The following BCKDHB variants were observed in gnomAD, a reference collection of about 807,000 sequenced individuals.
BCKDHB encodes the protein branched chain keto acid dehydrogenase E1 subunit beta, also known as 2-oxoisovalerate dehydrogenase subunit beta, mitochondrial.
A neutral mutation model predicts 48.5 loss-of-function variants in BCKDHB; 41 were observed. That is an observed-to-expected ratio of 0.85 (90% CI 0.66 to 1.10). BCKDHB has a LOEUF of 1.10. Ranked by LOEUF, BCKDHB falls within the 50% of genes least tolerant of loss-of-function variation. The probability of loss-of-function intolerance (pLI) is 0.00; values close to 1 mark genes in which losing one functional copy is unlikely to be tolerated. For synonymous variants in BCKDHB, 201 were observed against 174.8 expected (o/e 1.15, Z -1.18); for missense variants, 496 against 494.2 (o/e 1.00, Z -0.03).
At chr6:80,405,342 G>A in the BCKDHB span, among the ~76,000 whole-genome samples, 5 of 151,962 alleles carry the variant, frequency 3.3e-5, no homozygotes, top group African/African-American at 1.2e-4. Flanking sequence ...TCTTATATAA[G>A]TATAGTCACC....
At chr6:80,116,033 G>A (rs1247388228) in intron 1 of BCKDHB, among the ~76,000 whole-genome samples, 1 of 152,196 alleles carries the variant, frequency 6.6e-6, no homozygotes, top group African/African-American at 2.4e-5. Flanking sequence ...CTAATTTTCT[G>A]TATCATAGCT....
the BCKDHB span, among the ~76,000 whole-genome samples, chr6:80,388,767 G>T: frequency 6.6e-6 from 1 of 152,176 alleles, no homozygotes. Flanking sequence ...CTGGTTCACA[G>T]ATGATTCTGC....
At chr6:80,464,682 T>G in the BCKDHB span, among the ~76,000 whole-genome samples, 2 of 152,184 alleles carry the variant, frequency 1.3e-5, no homozygotes, top group African/African-American at 4.8e-5. Context: ...ACATAACCAT[T>G]AAATTTCACC....
chr6:80,373,506 G>T, the BCKDHB span, among the ~76,000 whole-genome samples: 1 of 151,974 alleles, frequency 6.6e-6, no homozygotes, highest in South Asian at 2.1e-4. Flanking sequence ...GGTTTGGTTT[G>T]TTCTTGTTTC....
At chr6:80,176,451 T>A (rs994687407) in intron 6 of BCKDHB, among the ~76,000 whole-genome samples, 2 of 152,162 alleles carry the variant, frequency 1.3e-5, no homozygotes, top group Non-Finnish European at 2.9e-5. Context: ...TTTTCTTTGA[T>A]GATTCCATGG....
chr6:80,257,602 G>A (rs914958078), intron 8 of BCKDHB, among the ~76,000 whole-genome samples: 3 of 152,134 alleles, frequency 2.0e-5, no homozygotes, highest in East Asian at 3.9e-4. Flanking sequence ...TGTGCTTATC[G>A]AGGCTGAGAA....
Position 80,322,702 on chromosome 6 carries a change from G to A in BCKDHB, c.1039-20962G>A, listed in dbSNP as rs116807416. ...GACTTTAAAGTTGCAAAAATAGCAT[G>A]CATCAAGAATAGTATAAAATTTTAA... On this transcript the variant is annotated intron_variant, in intron 9 of 9. Transcript: ENST00000320393. Among the ~76,000 whole-genome samples the A allele has an allele frequency of 6.0e-3, 914 of 152,174 alleles. 13 individuals are homozygous for A. Among genetic ancestry groups the A allele is most frequent in the African/African-American group, 0.021 (873 of 41,532 alleles).
intron 9 of BCKDHB, among the ~76,000 whole-genome samples, chr6:80,273,958 G>A (rs937073694): frequency 6.6e-6 from 1 of 151,906 alleles, no homozygotes; most frequent in Non-Finnish European, 1.5e-5. Flanking sequence ...TTAAATGGAA[G>A]GTGCATGTCT....
the BCKDHB span, among the ~76,000 whole-genome samples, chr6:80,394,652 TG>T: frequency 6.6e-6 from 1 of 152,158 alleles, no homozygotes; most frequent in Non-Finnish European, 1.5e-5. Flanking sequence ...AAAGTTTAAT[TG>T]GACAGAAACC....
At chr6:80,430,644 T>G in the BCKDHB span, among the ~76,000 whole-genome samples, 2 of 152,238 alleles carry the variant, frequency 1.3e-5, no homozygotes, top group Non-Finnish European at 2.9e-5. Flanking sequence ...TAGTTTGTAT[T>G]GCTGTGGGAT....
At chr6:80,244,819 A>G (rs1163194305) in intron 8 of BCKDHB, among the ~76,000 whole-genome samples, 1 of 152,252 alleles carries the variant, frequency 6.6e-6, no homozygotes, top group East Asian at 1.9e-4. Flanking sequence ...AATTATTTGA[A>G]CAAAAGATAA....
At chr6:80,111,035 C>A (rs1418110746) in intron 1 of BCKDHB, among the ~76,000 whole-genome samples, 1 of 152,134 alleles carries the variant, frequency 6.6e-6, no homozygotes, top group Non-Finnish European at 1.5e-5. Flanking sequence ...CATAATATCT[C>A]TTTTTAACAG....
intron 6 of BCKDHB, among the ~76,000 whole-genome samples, chr6:80,185,018 C>T (rs181915767): frequency 1.3e-5 from 2 of 152,270 alleles, no homozygotes; most frequent in Admixed American, 6.5e-5. Flanking sequence ...TCTATTATCC[C>T]CTCTAATAAG....
At chr6:80,271,355 C>T (rs1401720889) in intron 8 of BCKDHB, among the ~76,000 whole-genome samples, 5 of 152,118 alleles carry the variant, frequency 3.3e-5, no homozygotes, top group Non-Finnish European at 7.4e-5. Flanking sequence ...AGAAGGGCTC[C>T]AAATTTTATC....
chr6:80,227,439 T>C (rs1175245091), intron 8 of BCKDHB, among the ~76,000 whole-genome samples: 1 of 152,194 alleles, frequency 6.6e-6, no homozygotes, highest in Non-Finnish European at 1.5e-5. Flanking sequence ...TTTAGGGCTT[T>C]TTTACTTTTC....
At chr6:80,171,247 T>A in intron 5 of BCKDHB, 35 bp from the exon 6 acceptor site, 1 of 1,309,068 alleles carries the variant, frequency 7.6e-7, no homozygotes, top group Admixed American at 1.7e-5. Flanking sequence ...GATATATTTT[T>A]ACTAAAATTG....
chr6:80,427,132 A>G, the BCKDHB span, among the ~76,000 whole-genome samples: 2 of 152,092 alleles, frequency 1.3e-5, no homozygotes, highest in Non-Finnish European at 2.9e-5. Context: ...TCTAAAAATG[A>G]CCTTCATCTG....
the BCKDHB span, among the ~76,000 whole-genome samples, chr6:80,385,819 G>A: frequency 6.6e-6 from 1 of 152,198 alleles, no homozygotes; most frequent in Non-Finnish European, 1.5e-5. Context: ...TGGACAACAG[G>A]CATGGGAATG....
At chr6:80,151,681 C>G (rs994877655) in intron 3 of BCKDHB, among the ~76,000 whole-genome samples, 1 of 152,136 alleles carries the variant, frequency 6.6e-6, no homozygotes, top group African/African-American at 2.4e-5. Flanking sequence ...TGTCAACCTT[C>G]TCTTGTTTAC....
Sources: gnomAD v4.1 joint callset for allele counts (sites outside exome capture counted in the v4.1 genomes callset) on GRCh38, gnomAD v4.1.1 for gene constraint, MANE v1.5 for transcripts, NCBI Gene and HGNC (gene_info 2026-07-23, HGNC 2026-07-21) for gene names.